ZNF608: variants seen among roughly 807,000 people sequenced by gnomAD.
The protein encoded by ZNF608 is renal carcinoma antigen NY-REN-36.
Under a neutral mutation model 109.0 loss-of-function variants are expected in ZNF608, and 12 were observed. The observed-to-expected ratio is 0.11, with a 90% CI of 0.07 to 0.18. The LOEUF (loss-of-function observed/expected upper bound fraction) is 0.18. Ranked by LOEUF, ZNF608 falls within the 10% of genes least tolerant of loss-of-function variation. ZNF608 has a pLI of 1.00. For synonymous variants in ZNF608, 732 were observed against 717.4 expected (o/e 1.02, Z -0.33); for missense variants, 1,707 against 1,879.3 (o/e 0.91, Z 1.70).
intron 6 of ZNF608, among the ~76,000 whole-genome samples, 184 bp downstream of exon 6, chr5:124,644,060 G>A (rs546294775): frequency 6.6e-6 from 1 of 152,172 alleles, no homozygotes; most frequent in South Asian, 2.1e-4. Context: ...CTATGGCTGA[G>A]GATTCTTGAC....
intron 2 of ZNF608, among the ~76,000 whole-genome samples, chr5:124,737,498 T>C (rs1291593315): frequency 6.6e-6 from 1 of 152,192 alleles, no homozygotes; most frequent in African/African-American, 2.4e-5. Flanking sequence ...TTCCTTTGAG[T>C]TCTTTATTAC....
chr5:124,708,783 G>C (rs751671357), intron 2 of ZNF608: 1 of 456,184 alleles, frequency 2.2e-6, no homozygotes, highest in South Asian at 1.5e-5. Flanking sequence ...ACTTGGCCTG[G>C]GGATGGACCA....
chr5:124,662,419 G>A (rs1281057163), intron 3 of ZNF608, among the ~76,000 whole-genome samples: 2 of 152,244 alleles, frequency 1.3e-5, no homozygotes, highest in Non-Finnish European at 2.9e-5. Context: ...CTCAGAAGAG[G>A]CAGGAACATT....
At chr5:124,667,806 A>G (rs1315568473) in intron 3 of ZNF608, among the ~76,000 whole-genome samples, 1 of 152,190 alleles carries the variant, frequency 6.6e-6, no homozygotes, top group African/African-American at 2.4e-5. Flanking sequence ...GCAATAAGTA[A>G]CTGCCCAACA....
At chr5:124,696,180 G>A (rs141197023) in intron 3 of ZNF608, among the ~76,000 whole-genome samples, 17,952 of 149,288 alleles carry the variant, frequency 0.12, 1,356 homozygotes, top group Non-Finnish European at 0.17. Flanking sequence ...GTGAAACTCC[G>A]TCTCAAGAAA....
At chr5:124,698,941 T>C (rs76671337) in intron 3 of ZNF608, among the ~76,000 whole-genome samples, 2,031 of 152,312 alleles carry the variant, frequency 0.013, 24 homozygotes, top group Non-Finnish European at 0.021. Flanking sequence ...AGGGACTTAG[T>C]CCTACTCCAC....
intron 3 of ZNF608, among the ~76,000 whole-genome samples, chr5:124,690,924 A>AATACACAC (rs1554087925): frequency 6.9e-5 from 6 of 86,912 alleles, no homozygotes; most frequent in African/African-American, 3.7e-4. Flanking sequence ...GCAACAGAAA[A>AATACACAC]ACACACACAC....
At position 124,701,134 on chromosome 5, in the gene ZNF608, G is replaced by T; in HGVS notation, c.1042C>A (p.Arg348Ser). Residue 348 changes from arginine (R) to serine (S), a missense_variant, in exon 3 of 10, where the codon CGT becomes AGT. Around this residue, in one of 7 missense-constraint regions of ZNF608, gnomAD observed 407 missense variants for 398.7 expected, o/e 1.02. Coordinates refer to ENST00000513986, the MANE Select transcript of ZNF608 (RefSeq NM_020747.3). ...APVEQLLVRT[R>S]SVGVNTCEVG... The stretch of plus-strand genomic sequence containing the variant: ...TCACATGTATTGACACCCACAGAAC[G>T]AGTCCGAACCAAAAGCTGTTCAACC... The T allele has an allele frequency of 1.2e-6, 2 of 1,614,076 alleles. No homozygotes were observed. The highest frequency in any genetic ancestry group is 1.1e-5 in the South Asian group (1 of 91,078).
Position 124,736,285 on chromosome 5 carries a change from ACAC to A in ZNF608, c.906+7796_906+7798del, listed in dbSNP as rs1749139284. 2.0e-5 allele frequency among the ~76,000 whole-genome samples: 3 copies of A among 152,358 alleles called. No homozygotes were observed. In the South Asian group the frequency reaches 6.2e-4, roughly 32 times the overall value. Reference sequence around the variant, plus strand: ...TTATCCATGTACTGTGGTGAACCACACACAAATAAACAGTTCTCCATGAAGAAT... The same window carrying A: ...TTATCCATGTACTGTGGTGAACCACAAAATAAACAGTTCTCCATGAAGAAT... On this transcript the variant is annotated intron_variant, in intron 2 of 9. Coordinates refer to ENST00000513986, the MANE Select transcript of ZNF608 (RefSeq NM_020747.3).
At chr5:124,676,433 G>A (rs955405249) in intron 3 of ZNF608, among the ~76,000 whole-genome samples, 2 of 152,122 alleles carry the variant, frequency 1.3e-5, no homozygotes, top group African/African-American at 2.4e-5. Flanking sequence ...TATCTAGACC[G>A]CTATTAAGAG....
chr5:124,681,971 C>T (rs916790500), intron 3 of ZNF608, among the ~76,000 whole-genome samples: 6 of 152,154 alleles, frequency 3.9e-5, no homozygotes, highest in African/African-American at 1.4e-4. Flanking sequence ...TTCATGTGAC[C>T]CCATTATCAA....
intron 2 of ZNF608, among the ~76,000 whole-genome samples, chr5:124,717,061 G>A (rs1228918398): frequency 6.6e-6 from 1 of 152,096 alleles, no homozygotes. Context: ...CAGTCTGGGC[G>A]ACAACAGCAA....
chr5:124,648,477 G>A lies in ZNF608; in HGVS notation c.1907C>T (p.Thr636Ile), dbSNP rs1750638454. 1.2e-6 allele frequency: 2 copies of A among 1,614,212 alleles called. No individual in the cohort carries two copies. Among genetic ancestry groups the A allele is most frequent in the Non-Finnish European group, 8.5e-7 (1 of 1,180,050 alleles). ...ASPGAGNPPG[T>I]PKGKRELMSN... ...CATCAGCTCTCTCTTTCCCTTTGGG[G>A]TCCCAGGTGGGTTTCCAGCACCAGG... is the stretch of plus-strand genomic sequence containing the variant. The change falls in exon 5 of 10, where the codon ACC becomes ATC. Residue 636 changes from threonine to isoleucine, a missense_variant. Around this residue, in one of 7 missense-constraint regions of ZNF608, gnomAD observed 1,073 missense variants for 1,133.5 expected, o/e 0.95. Transcript: ENST00000513986.
chr5:124,679,114 C>A (rs1266051638), intron 3 of ZNF608, among the ~76,000 whole-genome samples: 3 of 152,198 alleles, frequency 2.0e-5, no homozygotes, highest in African/African-American at 7.2e-5. Context: ...TCTTTTCACT[C>A]CAGCATTACA....
chr5:124,746,028 A>G, intron 1 of ZNF608, 167 bp downstream of exon 1: 1 of 588,082 alleles, frequency 1.7e-6, no homozygotes, highest in Non-Finnish European at 2.1e-6. Context: ...ATACACTTTA[A>G]GTGATCTGCG....
intron 3 of ZNF608, among the ~76,000 whole-genome samples, chr5:124,670,116 A>G (rs1751653215): frequency 6.6e-6 from 1 of 152,170 alleles, no homozygotes; most frequent in South Asian, 2.1e-4. Context: ...TTAAAGAAAG[A>G]ATTATTTTAC....
rs753353392 is a variant in ZNF608 at position 124,644,520 on chromosome 5, T to C, written c.3847A>G (p.Ser1283Gly). 2 of 1,614,192 alleles carry C rather than the reference T, an allele frequency of 1.2e-6. No individual in the cohort carries two copies. The highest frequency in any genetic ancestry group is 8.5e-7 in the Non-Finnish European group (1 of 1,180,024). Residue 1283 changes from serine (S) to glycine (G), a missense_variant, in exon 6 of 10, where the codon AGC becomes GGC. Around this residue, in one of 7 missense-constraint regions of ZNF608, gnomAD observed 1,073 missense variants for 1,133.5 expected, o/e 0.95. Coordinates refer to ENST00000513986, the MANE Select transcript of ZNF608 (RefSeq NM_020747.3). ...ATGCTTGTTAACGATACAGGAAGGC[T>C]GGGCACACCACTCTCTTTATTAGGA... is the stretch of plus-strand genomic sequence containing the variant. ...KTPNKESGVPSLPVSLTSIKE... is the reference protein window; with the variant it reads ...KTPNKESGVPGLPVSLTSIKE...
At chr5:124,649,941 G>GA (rs2149791993) in intron 3 of ZNF608, among the ~76,000 whole-genome samples, 1 of 152,360 alleles carries the variant, frequency 6.6e-6, no homozygotes, top group African/African-American at 2.4e-5. Flanking sequence ...GACTGTGTGT[G>GA]AGAGTGTAAT....
intron 2 of ZNF608, among the ~76,000 whole-genome samples, chr5:124,727,453 T>C (rs762770075): frequency 7.9e-5 from 12 of 152,072 alleles, no homozygotes; most frequent in Non-Finnish European, 7.4e-5. Context: ...ATCAATTTCA[T>C]TGGGTATGTT....
Sources: allele counts gnomAD v4.1 joint callset (sites outside exome capture counted in the v4.1 genomes callset), GRCh38; gene constraint gnomAD v4.1.1; regional missense constraint gnomAD v4.1.1; transcripts MANE v1.5; gene names NCBI Gene and HGNC (gene_info 2026-07-23, HGNC 2026-07-21).